Variants in MYO18B observed in about 807,000 individuals in gnomAD.
MYO18B encodes myosin XVIIIB.
A neutral mutation model predicts 273.0 loss-of-function variants in MYO18B; 204 were observed. The ratio of observed to expected loss-of-function variants is 0.75; its 90% CI spans 0.67 to 0.84. MYO18B has a LOEUF of 0.84. Among genes scored for constraint, MYO18B ranks in the 40% least tolerant of loss-of-function variants. The probability of loss-of-function intolerance (pLI) is 0.00; values close to 1 mark genes in which losing one functional copy is unlikely to be tolerated. For synonymous variants in MYO18B, 1,330 were observed against 1,305.7 expected (o/e 1.02, Z -0.40); for missense variants, 3,212 against 3,287.6 (o/e 0.98, Z 0.56).
rs1198797284 is a variant in MYO18B at position 26,026,524 on chromosome 22, A to G, written c.6550A>G (p.Ser2184Gly). 7 of 1,613,924 alleles carry G rather than the reference A, an allele frequency of 4.3e-6. No individual in the cohort carries two copies. Among genetic ancestry groups the G allele is most frequent in the Non-Finnish European group, 5.9e-6 (7 of 1,179,882 alleles). Reference protein sequence around the residue: ...LSRARSTNVHSKTSGDKPVSP... With the variant: ...LSRARSTNVHGKTSGDKPVSP... ...CAGAGCCCGGTCCACCAATGTCCAC[A>G]GCAAGACCTCAGGAGACAAGCCTGT... Residue 2184 changes from serine (S) to glycine (G), a missense_variant, in exon 43 of 44, where the codon AGC (serine) becomes GGC (glycine). Coordinates refer to ENST00000335473, the MANE Select transcript of MYO18B (RefSeq NM_032608.7).
chr22:25,759,366 C>A (rs1299267958), intron 1 of MYO18B, among the ~76,000 whole-genome samples: 2 of 150,738 alleles, frequency 1.3e-5, no homozygotes, highest in Non-Finnish European at 3.0e-5. Context: ...AGTTCATGTC[C>A]TTTGCAGGGA....
At chr22:25,857,665 G>GT (rs2090613020) in intron 21 of MYO18B, among the ~76,000 whole-genome samples, 1 of 152,116 alleles carries the variant, frequency 6.6e-6, no homozygotes, top group Non-Finnish European at 1.5e-5. Flanking sequence ...TGTTTTGTTT[G>GT]TTTTTTGAGA....
At chr22:25,915,516 C>T (rs1159931057) in intron 33 of MYO18B, among the ~76,000 whole-genome samples, 3 of 152,090 alleles carry the variant, frequency 2.0e-5, no homozygotes, top group South Asian at 2.1e-4. Context: ...GCTTATGGGA[C>T]CACCGTTGTA....
chr22:25,875,642 CT>C lies in MYO18B; in HGVS notation c.4081-544del, dbSNP rs929835449. ...CATCCCAGAGTGGCTGAATCAGCAC[CT>C]TTGGGGGTGGTGTCTAGCCATCTGG... On this transcript the variant is annotated intron_variant, in intron 23 of 43. Coordinates refer to ENST00000335473, the MANE Select transcript of MYO18B (RefSeq NM_032608.7). Among the ~76,000 whole-genome samples, 51 of 152,190 alleles carry C rather than the reference CT, an allele frequency of 3.4e-4. 1 individual carries two copies. Among genetic ancestry groups the C allele is most frequent in the Non-Finnish European group, 5.4e-4 (37 of 68,038 alleles).
At chr22:25,943,331 G>A (rs972612951) in intron 34 of MYO18B, among the ~76,000 whole-genome samples, 9 of 151,922 alleles carry the variant, frequency 5.9e-5, no homozygotes, top group African/African-American at 2.2e-4. Context: ...CACCTCCACC[G>A]CCTCCTTCCT....
At chr22:26,041,132 A>G in the MYO18B span, among the ~76,000 whole-genome samples, 15,119 of 151,972 alleles carry the variant, frequency 0.099, 887 homozygotes, top group Middle Eastern at 0.17. Context: ...TTCTTAAAGC[A>G]TTATGAGATT....
intron 25 of MYO18B, among the ~76,000 whole-genome samples, chr22:25,885,131 A>G (rs547878392): frequency 3.8e-4 from 58 of 152,298 alleles, no homozygotes; most frequent in African/African-American, 1.3e-3. Flanking sequence ...TTAATGAGTG[A>G]TGTTCTGTGC....
chr22:25,870,598 T>C (rs775738962), intron 22 of MYO18B, among the ~76,000 whole-genome samples: 1 of 152,218 alleles, frequency 6.6e-6, no homozygotes, highest in Non-Finnish European at 1.5e-5. Context: ...TCTTTACAGA[T>C]GGATCTTTAC....
intron 42 of MYO18B, among the ~76,000 whole-genome samples, chr22:26,021,786 T>C (rs926269260): frequency 6.6e-6 from 1 of 152,118 alleles, no homozygotes; most frequent in Non-Finnish European, 1.5e-5. Flanking sequence ...TGCCTGGAGG[T>C]CATAATCCCT....
At chr22:25,972,706 A>T (rs923237892) in intron 39 of MYO18B, among the ~76,000 whole-genome samples, 7 of 152,218 alleles carry the variant, frequency 4.6e-5, no homozygotes, top group African/African-American at 1.7e-4. Flanking sequence ...CTGTAATCCC[A>T]GCACTCTGGG....
the MYO18B span, among the ~76,000 whole-genome samples, chr22:26,051,014 T>TA: frequency 6.6e-6 from 1 of 151,980 alleles, no homozygotes; most frequent in Non-Finnish European, 1.5e-5. Flanking sequence ...GAGAGGGAGA[T>TA]AAAGATGCAA....
intron 39 of MYO18B, among the ~76,000 whole-genome samples, chr22:25,977,696 G>T (rs780462107): frequency 1.8e-4 from 28 of 152,148 alleles, no homozygotes; most frequent in Non-Finnish European, 3.7e-4. Context: ...GACCCCCCAG[G>T]TTGGCATATT....
intron 5 of MYO18B, among the ~76,000 whole-genome samples, chr22:25,770,596 G>A (rs1312717175): frequency 2.6e-5 from 4 of 152,132 alleles, no homozygotes; most frequent in Non-Finnish European, 5.9e-5. Flanking sequence ...GTGTGAGATA[G>A]GCCAGTGTAC....
chr22:26,059,254 G>A, the MYO18B span, among the ~76,000 whole-genome samples: 1 of 152,128 alleles, frequency 6.6e-6, no homozygotes, highest in Non-Finnish European at 1.5e-5. Flanking sequence ...CCTCTTCAAA[G>A]GCAATGGCTA....
intron 36 of MYO18B, among the ~76,000 whole-genome samples, chr22:25,949,065 A>T (rs1439432291): frequency 6.6e-6 from 1 of 152,186 alleles, no homozygotes; most frequent in Non-Finnish European, 1.5e-5. Flanking sequence ...AGAGGATCAG[A>T]TCAGGGTCTT....
intron 33 of MYO18B, 133 bp from the exon 34 acceptor site, chr22:25,921,124 G>T: frequency 1.2e-6 from 1 of 861,490 alleles, no homozygotes. Context: ...TCGGAGAGGA[G>T]AATGGTCTTG....
the MYO18B span, among the ~76,000 whole-genome samples, chr22:26,055,718 C>T: frequency 2.0e-5 from 3 of 152,242 alleles, no homozygotes; most frequent in Admixed American, 6.5e-5. Context: ...TTCTGGAAAC[C>T]TTGTGCCCTA....
At chr22:25,832,528 G>T (rs1262326760) in intron 15 of MYO18B, among the ~76,000 whole-genome samples, 4 of 152,140 alleles carry the variant, frequency 2.6e-5, no homozygotes, top group African/African-American at 9.7e-5. Flanking sequence ...GACACAAAAG[G>T]ACAAATACTG....
the MYO18B span, among the ~76,000 whole-genome samples, chr22:26,044,159 T>G: frequency 6.6e-6 from 1 of 152,302 alleles, no homozygotes; most frequent in African/African-American, 2.4e-5. Context: ...TCTGTTCAGG[T>G]TTTGTTAATT....
Sources: gnomAD v4.1 joint callset for allele counts (sites outside exome capture counted in the v4.1 genomes callset) on GRCh38, gnomAD v4.1.1 for gene constraint, MANE v1.5 for transcripts, NCBI Gene and HGNC (gene_info 2026-07-23, HGNC 2026-07-21) for gene names.